Variants in MYOM2 observed in about 807,000 individuals in gnomAD.
The protein encoded by MYOM2 is myomesin 2.
In MYOM2, 254 loss-of-function variants were observed where a neutral mutation model predicts 187.6. The ratio of observed to expected loss-of-function variants is 1.35; its 90% CI spans 1.22 to 1.50. MYOM2 has a LOEUF of 1.50. Among genes scored for constraint, MYOM2 ranks in the 40% most tolerant of loss-of-function variants. The pLI, the probability that MYOM2 is intolerant of heterozygous loss-of-function variation, is 0.00. For synonymous variants in MYOM2, 981 were observed against 753.8 expected, an observed-to-expected ratio of 1.30 and a Z score of -4.94; for missense variants, 2,796 against 1,924.0, an observed-to-expected ratio of 1.45 and a Z score of -8.48.
At chr8:2,090,223 G>C (rs759714790) in intron 15 of MYOM2, 32 bp downstream of exon 15, 1 of 1,599,816 alleles carries the variant, frequency 6.3e-7, no homozygotes, top group Non-Finnish European at 8.6e-7. Flanking sequence ...CCCCAAGTCA[G>C]GATGGACTAA....
At chr8:2,097,230 A>G (rs1796526222) in intron 18 of MYOM2, 8 of 444,242 alleles carry the variant, frequency 1.8e-5, no homozygotes, top group Non-Finnish European at 2.4e-5. Context: ...TTAATATTTT[A>G]TACACATATG....
Position 2,054,826 on chromosome 8 carries a change from C to T in MYOM2, c.263+2513C>T, listed in dbSNP as rs145323806. ...GGCTTGTTCCCTGCAGGACATCTGA[C>T]GCCATCGTTCATTTCTTGAACACAT... On this transcript the variant is annotated intron_variant, in intron 3 of 36. Coordinates refer to ENST00000262113, the MANE Select transcript of MYOM2 (RefSeq NM_003970.4). Among the ~76,000 whole-genome samples, 423 of 152,328 alleles carry T rather than the reference C, an allele frequency of 2.8e-3. 2 individuals carry two copies. Among genetic ancestry groups the T allele is most frequent in the Middle Eastern group, 6.8e-3 (2 of 294 alleles).
In MYOM2 at chr8:2,106,331, A is replaced by T. The variant is rs754090920; in HGVS notation, c.2824A>T (p.Thr942Ser). 6.2e-7 allele frequency: 1 copy of T among 1,614,098 alleles called. No individual in the cohort carries two copies. The highest frequency in any genetic ancestry group is 8.5e-7 in the Non-Finnish European group (1 of 1,180,028). The change falls in exon 22 of 37, where the codon ACC becomes TCC. Residue 942 changes from threonine to serine, a missense_variant. Transcript: ENST00000262113. ...GGAAATGACAGACGCGTCTCAGTTC[A>T]CCTGGTGTAAATCCTACGAGGAGAT... ...CQEMTDASQF[T>S]WCKSYEEISD...
intron 21 of MYOM2, 106 bp downstream of exon 21, chr8:2,102,887 GAA>G: frequency 1.1e-6 from 1 of 870,030 alleles, no homozygotes; most frequent in South Asian, 1.6e-5. Flanking sequence ...GTGGGAGAGT[GAA>G]CACGTGTTAT....
At chr8:2,109,881 C>G (rs983281470) in intron 25 of MYOM2, among the ~76,000 whole-genome samples, 1 of 152,080 alleles carries the variant, frequency 6.6e-6, no homozygotes, top group Non-Finnish European at 1.5e-5. Flanking sequence ...CTATTTTTTG[C>G]TGTATTGTGA....
chr8:2,120,696 A>ATAAC (rs1491564842), intron 28 of MYOM2, among the ~76,000 whole-genome samples: 1 of 84,008 alleles, frequency 1.2e-5, no homozygotes, highest in African/African-American at 4.8e-5. Flanking sequence ...ATAAATATAT[A>ATAAC]ATATATATAT....
At chr8:2,051,111 G>T (rs1408631341) in intron 2 of MYOM2, among the ~76,000 whole-genome samples, 1 of 152,142 alleles carries the variant, frequency 6.6e-6, no homozygotes, top group South Asian at 2.1e-4. Flanking sequence ...TGGGGAGGCA[G>T]GAAGTCCTTT....
intron 13 of MYOM2, among the ~76,000 whole-genome samples, chr8:2,080,792 G>A (rs1056689996): frequency 3.3e-5 from 5 of 152,322 alleles, no homozygotes; most frequent in Non-Finnish European, 5.9e-5. Context: ...CGACGAGCCC[G>A]TGTAGAATGA....
chr8:2,140,397 A>ACG (rs1554437789), intron 32 of MYOM2, among the ~76,000 whole-genome samples: 2 of 151,608 alleles, frequency 1.3e-5, no homozygotes, highest in African/African-American at 4.8e-5. Context: ...CTACACAAGT[A>ACG]ATTGCTGGAT....
chr8:2,123,208 G>T (rs767971405), intron 28 of MYOM2, 44 bp from the exon 29 acceptor site: 2 of 1,299,110 alleles, frequency 1.5e-6, no homozygotes, highest in East Asian at 4.7e-5. Flanking sequence ...TTTCTCATGA[G>T]TCAGAATGAT....
chr8:2,063,031 C>T (rs1394939300), intron 6 of MYOM2, among the ~76,000 whole-genome samples: 1 of 152,210 alleles, frequency 6.6e-6, no homozygotes, highest in East Asian at 1.9e-4. Context: ...CTCTGATGGA[C>T]TTGGATTTTG....
chr8:2,050,385 A>T (rs1294154986), intron 1 of MYOM2, among the ~76,000 whole-genome samples: 2 of 152,166 alleles, frequency 1.3e-5, no homozygotes, highest in Non-Finnish European at 2.9e-5. Flanking sequence ...CTTGTATTCT[A>T]AGTGTTTGTT....
intron 18 of MYOM2, chr8:2,097,019 A>G (rs1796515462): frequency 1.6e-6 from 1 of 627,600 alleles, no homozygotes; most frequent in Non-Finnish European, 2.0e-6. Context: ...CCGGCCCTTG[A>G]CCCCTCATCT....
chr8:2,045,845 G>T (rs987391646), intron 1 of MYOM2, among the ~76,000 whole-genome samples: 1 of 152,238 alleles, frequency 6.6e-6, no homozygotes, highest in African/African-American at 2.4e-5. Flanking sequence ...AAGACAGTGG[G>T]GCTGGGTGGT....
intron 32 of MYOM2, among the ~76,000 whole-genome samples, chr8:2,137,378 C>G (rs1482773974): frequency 6.6e-6 from 1 of 151,896 alleles, no homozygotes; most frequent in Non-Finnish European, 1.5e-5. Context: ...AAATCGTCCC[C>G]TTCTTCGCAA....
chr8:2,109,256 G>A, intron 24 of MYOM2, 139 bp from the exon 25 acceptor site: 1 of 999,072 alleles, frequency 1.0e-6, no homozygotes, highest in South Asian at 1.9e-5. Context: ...TATATTTTTA[G>A]CTTCCATAAT....
At chr8:2,124,570 C>T (rs530091165) in intron 31 of MYOM2, among the ~76,000 whole-genome samples, 5 of 152,348 alleles carry the variant, frequency 3.3e-5, no homozygotes, top group African/African-American at 1.2e-4. Flanking sequence ...AAACCTCTCA[C>T]TTTGCGTCGT....
chr8:2,113,536 G>A (rs1246365015), intron 25 of MYOM2, among the ~76,000 whole-genome samples: 1 of 152,102 alleles, frequency 6.6e-6, no homozygotes, highest in African/African-American at 2.4e-5. Flanking sequence ...GGTGCAGGGG[G>A]TTAGCTGTTG....
intron 8 of MYOM2, among the ~76,000 whole-genome samples, chr8:2,069,809 G>A (rs1046931036): frequency 1.3e-5 from 2 of 152,118 alleles, no homozygotes; most frequent in Admixed American, 1.3e-4. Flanking sequence ...TTTTTAGACT[G>A]GTGAAAACAT....
Sources: gnomAD v4.1 joint callset for allele counts (sites outside exome capture counted in the v4.1 genomes callset) on GRCh38, gnomAD v4.1.1 for gene constraint, MANE v1.5 for transcripts, NCBI Gene and HGNC (gene_info 2026-07-23, HGNC 2026-07-21) for gene names.